PALM2AKAP2: variants seen among roughly 807,000 people sequenced by gnomAD.
PALM2AKAP2 encodes the protein PALM2 and AKAP2 fusion.
Under a neutral mutation model 71.5 loss-of-function variants are expected in PALM2AKAP2, and 37 were observed. The observed-to-expected ratio is 0.52, with a 90% CI of 0.40 to 0.68. PALM2AKAP2 has a LOEUF of 0.68. Ranked by LOEUF, PALM2AKAP2 falls within the 30% of genes least tolerant of loss-of-function variation. PALM2AKAP2 has a pLI of 0.00. For synonymous variants in PALM2AKAP2, 468 were observed against 478.8 expected, an observed-to-expected ratio of 0.98 and a Z score of 0.29; for missense variants, 1,224 against 1,191.8, an observed-to-expected ratio of 1.03 and a Z score of -0.40.
At chr9:109,787,181 AC>A (rs1421842805) in intron 1 of PALM2AKAP2, among the ~76,000 whole-genome samples, 2 of 152,162 alleles carry the variant, frequency 1.3e-5, no homozygotes, top group African/African-American at 2.4e-5. Flanking sequence ...GTATGATGTC[AC>A]TGTACCTTGG....
chr9:109,782,012 G>A (rs1056135948), intron 1 of PALM2AKAP2, among the ~76,000 whole-genome samples: 6 of 152,192 alleles, frequency 3.9e-5, no homozygotes, highest in African/African-American at 1.4e-4. Context: ...TGCAGTGGCT[G>A]TTCCCATTGG....
At chr9:109,760,856 C>A (rs543835647) in intron 1 of PALM2AKAP2, among the ~76,000 whole-genome samples, 103 of 152,138 alleles carry the variant, frequency 6.8e-4, no homozygotes, top group Non-Finnish European at 1.2e-3. Context: ...TCAACTGTTG[C>A]ATTTTTTTTC....
At chr9:110,091,452 A>ATTTT (rs1834705129) in intron 1 of PALM2AKAP2, among the ~76,000 whole-genome samples, 1 of 91,822 alleles carries the variant, frequency 1.1e-5, no homozygotes, top group African/African-American at 4.7e-5. Flanking sequence ...AATCTTTGAG[A>ATTTT]TTTATTCTTT....
chr9:109,838,816 G>C (rs1208068652), intron 1 of PALM2AKAP2, among the ~76,000 whole-genome samples: 1 of 152,068 alleles, frequency 6.6e-6, no homozygotes, highest in Non-Finnish European at 1.5e-5. Flanking sequence ...ACCCTTGCAA[G>C]ACACATACAC....
At chr9:109,654,966 C>T (rs1827278713) in intron 1 of PALM2AKAP2, among the ~76,000 whole-genome samples, 1 of 152,176 alleles carries the variant, frequency 6.6e-6, no homozygotes, top group Non-Finnish European at 1.5e-5. Context: ...TTGTTACTCT[C>T]TCCCCACATT....
intron 6 of PALM2AKAP2, among the ~76,000 whole-genome samples, chr9:109,957,646 G>T (rs543528391): frequency 3.9e-5 from 6 of 152,170 alleles, no homozygotes; most frequent in Non-Finnish European, 8.8e-5. Flanking sequence ...GAACTTTTAA[G>T]AAGCCTATTA....
intron 1 of PALM2AKAP2, among the ~76,000 whole-genome samples, chr9:110,056,372 A>C (rs1024569619): frequency 8.5e-5 from 13 of 152,232 alleles, no homozygotes; most frequent in African/African-American, 2.9e-4. Context: ...ATGGAGAAAG[A>C]CATCATTGTT....
chr9:110,009,643 G>A (rs949611351), intron 6 of PALM2AKAP2, among the ~76,000 whole-genome samples: 8 of 151,514 alleles, frequency 5.3e-5, no homozygotes, highest in Admixed American at 4.6e-4. Flanking sequence ...GAACCCGGGA[G>A]GTGGAGCTTG....
intron 1 of PALM2AKAP2, among the ~76,000 whole-genome samples, chr9:110,050,609 GTTTTTCTTTTCTTTTCTTTT>G (rs2016035202): frequency 1.3e-5 from 2 of 151,766 alleles, no homozygotes; most frequent in African/African-American, 2.4e-5. Context: ...CCCTTTCTCT[GTTTTTCTTTTCTTTTCTTTT>G]TTTTTCTTTT....
chr9:109,696,124 AC>A (rs1827966689), intron 1 of PALM2AKAP2, among the ~76,000 whole-genome samples: 1 of 152,202 alleles, frequency 6.6e-6, no homozygotes, highest in Non-Finnish European at 1.5e-5. Flanking sequence ...TATCAAATGT[AC>A]CCCCAAAATA....
At chr9:109,902,784 A>G (rs764228031) in intron 3 of PALM2AKAP2, among the ~76,000 whole-genome samples, 1 of 152,152 alleles carries the variant, frequency 6.6e-6, no homozygotes, top group Non-Finnish European at 1.5e-5. Flanking sequence ...CCAAAGATAC[A>G]TATGACCGAC....
intron 1 of PALM2AKAP2, among the ~76,000 whole-genome samples, chr9:110,105,993 T>C (rs1835111901): frequency 6.6e-6 from 1 of 152,204 alleles, no homozygotes; most frequent in African/African-American, 2.4e-5. Context: ...TCCTATTTTC[T>C]TTTTCATATT....
At chr9:109,745,934 G>T (rs1308697873) in intron 1 of PALM2AKAP2, among the ~76,000 whole-genome samples, 1 of 152,156 alleles carries the variant, frequency 6.6e-6, no homozygotes, top group Non-Finnish European at 1.5e-5. Flanking sequence ...CATTAAAAAG[G>T]TATAATATGT....
chr9:109,715,738 T>C (rs1445669187), intron 1 of PALM2AKAP2, among the ~76,000 whole-genome samples: 1 of 152,252 alleles, frequency 6.6e-6, no homozygotes, highest in African/African-American at 2.4e-5. Context: ...CCTCCCCAAG[T>C]ACTTAAACAC....
chr9:109,918,348 C>A (rs1215565681), intron 3 of PALM2AKAP2, among the ~76,000 whole-genome samples: 1 of 152,094 alleles, frequency 6.6e-6, no homozygotes, highest in Non-Finnish European at 1.5e-5. Flanking sequence ...TTTATAAGAC[C>A]ATTTGGCCAT....
At chr9:109,715,773 C>T (rs1204919251) in intron 1 of PALM2AKAP2, among the ~76,000 whole-genome samples, 1 of 152,210 alleles carries the variant, frequency 6.6e-6, no homozygotes, top group African/African-American at 2.4e-5. Flanking sequence ...GTTGTTCTAG[C>T]CTATTTCATA....
chr9:110,151,282 C>T (rs916405772), intron 2 of PALM2AKAP2, among the ~76,000 whole-genome samples: 1 of 152,160 alleles, frequency 6.6e-6, no homozygotes, highest in Non-Finnish European at 1.5e-5. Flanking sequence ...AACTCCTGAG[C>T]TCAAGTGATC....
chr9:110,071,957 T>G (rs1834216400), intron 1 of PALM2AKAP2, among the ~76,000 whole-genome samples: 1 of 152,214 alleles, frequency 6.6e-6, no homozygotes, highest in African/African-American at 2.4e-5. Context: ...TTTGTGTTTA[T>G]AGATAGTTCA....
chr9:109,854,092 C>T (rs765739332), intron 1 of PALM2AKAP2, among the ~76,000 whole-genome samples: 1 of 152,166 alleles, frequency 6.6e-6, no homozygotes, highest in African/African-American at 2.4e-5. Flanking sequence ...TCCTAAAGTA[C>T]GTCTTTACTA....
Sources: gnomAD v4.1 joint callset for allele counts (sites outside exome capture counted in the v4.1 genomes callset) on GRCh38, gnomAD v4.1.1 for gene constraint, MANE v1.5 for transcripts, NCBI Gene and HGNC (gene_info 2026-07-23, HGNC 2026-07-21) for gene names.